ZNF407: variants seen among roughly 807,000 people sequenced by gnomAD.
The protein encoded by ZNF407 is zinc finger protein 407.
In ZNF407, 17 loss-of-function variants were observed where a neutral mutation model predicts 131.2. That is an observed-to-expected ratio of 0.13 (90% CI 0.09 to 0.19). The LOEUF (loss-of-function observed/expected upper bound fraction) is 0.19, where lower values mean the gene tolerates loss of function less well. Among genes scored for constraint, ZNF407 ranks in the 10% least tolerant of loss-of-function variants. The pLI is 1.00. For missense variants in ZNF407, 2,681 were observed against 2,830.6 expected, an observed-to-expected ratio of 0.95 and a Z score of 1.20; for synonymous variants, 1,156 against 1,062.0, an observed-to-expected ratio of 1.09 and a Z score of -1.72.
At chr18:74,652,854 T>C (rs1985290270) in intron 3 of ZNF407, among the ~76,000 whole-genome samples, 2 of 151,994 alleles carry the variant, frequency 1.3e-5, no homozygotes, top group Admixed American at 1.3e-4. Flanking sequence ...ATGTTAGGTG[T>C]TTATAGCTGA....
At chr18:74,959,713 A>T (rs1385840268) in intron 8 of ZNF407, among the ~76,000 whole-genome samples, 1 of 152,180 alleles carries the variant, frequency 6.6e-6, no homozygotes, top group Non-Finnish European at 1.5e-5. Context: ...CACAGTTTGT[A>T]ATTCCTGGAT....
At chr18:75,032,971 G>T (rs1419107107) in intron 8 of ZNF407, among the ~76,000 whole-genome samples, 1 of 126,304 alleles carries the variant, frequency 7.9e-6, no homozygotes, top group South Asian at 2.7e-4. Context: ...TGCTCGGAAT[G>T]GGGGGAAGAT....
intron 3 of ZNF407, among the ~76,000 whole-genome samples, chr18:74,761,596 T>C (rs1439430042): frequency 6.6e-6 from 1 of 152,162 alleles, no homozygotes; most frequent in African/African-American, 2.4e-5. Context: ...TTGCCCCTTT[T>C]AATGTAACTT....
At chr18:74,617,096 A>ACACACATCCATATCAACACACCAC (rs1352602380) in intron 1 of ZNF407, among the ~76,000 whole-genome samples, 1 of 24,240 alleles carries the variant, frequency 4.1e-5, no homozygotes, top group African/African-American at 1.4e-4. Context: ...TCCATGCACC[A>ACACACATCCATATCAACACACCAC]ACACATCCAT....
chr18:74,844,008 G>C (rs1170076261), intron 4 of ZNF407, among the ~76,000 whole-genome samples: 2 of 152,136 alleles, frequency 1.3e-5, no homozygotes, highest in Non-Finnish European at 2.9e-5. Flanking sequence ...ATAGATGAAA[G>C]TGTTGAATTT....
chr18:74,626,112 C>G (rs1392712586), intron 1 of ZNF407, among the ~76,000 whole-genome samples: 1 of 152,152 alleles, frequency 6.6e-6, no homozygotes, highest in African/African-American at 2.4e-5. Flanking sequence ...AAAAGACTAA[C>G]AAAGCACATT....
At chr18:74,774,231 C>G (rs2145008084) in intron 3 of ZNF407, among the ~76,000 whole-genome samples, 1 of 152,272 alleles carries the variant, frequency 6.6e-6, no homozygotes, top group South Asian at 2.1e-4. Context: ...ATGGTTAAGT[C>G]TCTCTATCAA....
In ZNF407 at chr18:74,622,476, C is replaced by A. The variant is rs376865807; in HGVS notation, c.-53-8491C>A. Among the ~76,000 whole-genome samples, 4 of 120,400 alleles carry A rather than the reference C, an allele frequency of 3.3e-5. No homozygotes were observed. The South Asian group carries it at 1.3e-3, about 38-fold the overall frequency. The allele number at this position is 120,400 out of a possible 152,430, so 79.0% of individuals were successfully genotyped here. On this transcript the variant is annotated intron_variant, in intron 1 of 8. Coordinates refer to ENST00000299687, the MANE Select transcript of ZNF407 (RefSeq NM_017757.3). ...CAGGGAATCCAGTTCTGCTGGAGGGCGGTCATCACTTCTGGATTCGTCCTT... is the reference window on the plus strand; with the variant it reads ...CAGGGAATCCAGTTCTGCTGGAGGGAGGTCATCACTTCTGGATTCGTCCTT...
chr18:74,764,630 G>A (rs927116575), intron 3 of ZNF407, among the ~76,000 whole-genome samples: 1 of 152,194 alleles, frequency 6.6e-6, no homozygotes, highest in Non-Finnish European at 1.5e-5. Flanking sequence ...ATGATCTAAA[G>A]TATATGGGAG....
chr18:74,905,043 G>C (rs1226136112), intron 7 of ZNF407, among the ~76,000 whole-genome samples: 1 of 152,154 alleles, frequency 6.6e-6, no homozygotes, highest in Non-Finnish European at 1.5e-5. Context: ...CTTTTATGCA[G>C]TACAGCACAG....
chr18:74,826,118 A>G (rs1011475354), intron 4 of ZNF407, among the ~76,000 whole-genome samples: 1 of 152,218 alleles, frequency 6.6e-6, no homozygotes, highest in East Asian at 1.9e-4. Flanking sequence ...CTTTTGTAGA[A>G]CTTTCAAAAA....
chr18:75,023,484 T>G (rs1310883678), intron 8 of ZNF407, among the ~76,000 whole-genome samples: 1 of 152,146 alleles, frequency 6.6e-6, no homozygotes, highest in Non-Finnish European at 1.5e-5. Flanking sequence ...AGTTAATTAG[T>G]AATTAATGGT....
In ZNF407 at chr18:74,634,530, G is replaced by C; in HGVS notation, c.3511G>C (p.Ala1171Pro). 3.1e-6 allele frequency: 5 copies of C among 1,613,776 alleles called. No homozygotes were observed. Among genetic ancestry groups the C allele is most frequent in the Non-Finnish European group, 4.2e-6 (5 of 1,179,890 alleles). Residue 1171 changes from alanine (A) to proline (P), a missense_variant, in exon 2 of 9, where the codon GCT becomes CCT. By Grantham distance (27) the Ala-to-Pro change is conservative. Around this residue, in one of 6 missense-constraint regions of ZNF407, gnomAD observed 1,789 missense variants for 1,748.7 expected, o/e 1.02. Coordinates refer to ENST00000299687, the MANE Select transcript of ZNF407 (RefSeq NM_017757.3). ...DHSFCETFQQ[A>P]PVKDKVRKPE... ...TTCCTTTTGTGAGACTTTCCAACAG[G>C]CTCCTGTCAAGGATAAAGTTAGGAA...
intron 3 of ZNF407, among the ~76,000 whole-genome samples, chr18:74,722,394 C>G (rs1329013351): frequency 2.6e-5 from 4 of 152,122 alleles, no homozygotes; most frequent in Non-Finnish European, 4.4e-5. Flanking sequence ...TTTATAGAAT[C>G]TCCTTGCCAC....
intron 8 of ZNF407, among the ~76,000 whole-genome samples, chr18:75,008,393 G>T (rs1972936121): frequency 6.6e-6 from 1 of 152,136 alleles, no homozygotes; most frequent in Admixed American, 6.5e-5. Flanking sequence ...ATATAGTTAT[G>T]GGACATAACT....
In ZNF407 at chr18:74,631,595, G is replaced by A. The variant is rs373781404; in HGVS notation, c.576G>A (p.Gly192=). The A allele has an allele frequency of 5.0e-6, 8 of 1,613,642 alleles. No homozygotes were observed. Among genetic ancestry groups the A allele is most frequent in the Admixed American group, 1.7e-5 (1 of 60,002 alleles). The change falls in exon 2 of 9, where the codon GGG becomes GGA. Residue 192 remains glycine, a synonymous_variant. Coordinates refer to ENST00000299687, the MANE Select transcript of ZNF407 (RefSeq NM_017757.3). The stretch of plus-strand genomic sequence containing the variant: ...CAGTTCTCAAATGCAGCATCTGTGG[G>A]CATTTGTTTTCTTCTTGCTCTGACT... ...VDTVLKCSIC[G]HLFSSCSDLE... is the part of the protein sequence containing the mutation.
At chr18:74,889,483 T>A (rs938784852) in intron 6 of ZNF407, among the ~76,000 whole-genome samples, 3 of 152,212 alleles carry the variant, frequency 2.0e-5, no homozygotes, top group African/African-American at 7.2e-5. Context: ...ATTTTATTTT[T>A]CTTCATATCT....
rs1028313144 is a variant in ZNF407 at position 74,631,394 on chromosome 18, A to G, written c.375A>G (p.Thr125=). The part of the protein sequence containing the change: ...TFLSDCTVGG[T]CLPNALSPSC... The stretch of plus-strand genomic sequence containing the variant: ...TGAGTGACTGCACAGTTGGAGGCAC[A>G]TGTCTCCCAAATGCCCTCTCCCCTT... Residue 125 remains threonine (T), a synonymous_variant, in exon 2 of 9, where the codon ACA becomes ACG. Coordinates refer to ENST00000299687, the MANE Select transcript of ZNF407 (RefSeq NM_017757.3). 1.9e-6 allele frequency: 3 copies of G among 1,613,990 alleles called. No homozygotes were observed. The highest frequency in any genetic ancestry group is 1.7e-4 in the Middle Eastern group (1 of 6,060).
intron 8 of ZNF407, among the ~76,000 whole-genome samples, chr18:75,059,840 C>A (rs1018714826): frequency 4.6e-5 from 7 of 152,172 alleles, no homozygotes; most frequent in Non-Finnish European, 1.0e-4. Flanking sequence ...TCGGCCCCTG[C>A]CCGTGGGACC....
Sources: allele counts gnomAD v4.1 joint callset (sites outside exome capture counted in the v4.1 genomes callset), GRCh38; gene constraint gnomAD v4.1.1; regional missense constraint gnomAD v4.1.1; transcripts MANE v1.5; gene names NCBI Gene and HGNC (gene_info 2026-07-23, HGNC 2026-07-21).